Variants in PPARGC1A observed in about 807,000 individuals in gnomAD.
PPARGC1A encodes PPARG coactivator 1 alpha, also known as peroxisome proliferator-activated receptor gamma coactivator 1-alpha.
Under a neutral mutation model 88.7 loss-of-function variants are expected in PPARGC1A, and 25 were observed. The observed-to-expected ratio is 0.28, with a 90% confidence interval of 0.21 to 0.39. The LOEUF is 0.39. PPARGC1A is among the 10% of genes least tolerant of loss of function. The pLI is 1.00. For missense variants in PPARGC1A, 880 were observed against 968.7 expected, an observed-to-expected ratio of 0.91 and a Z score of 1.22; for synonymous variants, 363 against 355.6, an observed-to-expected ratio of 1.02 and a Z score of -0.24.
the PPARGC1A span, among the ~76,000 whole-genome samples, chr4:24,458,781 G>T: frequency 6.6e-6 from 1 of 152,062 alleles, no homozygotes. Context: ...CATACAATGG[G>T]ATACTACAGG....
chr4:24,165,371 C>T, the PPARGC1A span, among the ~76,000 whole-genome samples: 7 of 152,144 alleles, frequency 4.6e-5, no homozygotes, highest in South Asian at 4.1e-4. Flanking sequence ...AATTTACAAA[C>T]GTTTTTCAAA....
At chr4:24,175,817 A>G in the PPARGC1A span, among the ~76,000 whole-genome samples, 3 of 152,144 alleles carry the variant, frequency 2.0e-5, no homozygotes, top group East Asian at 5.8e-4. Context: ...TCTTTACTCA[A>G]CAGAAAAAAA....
the PPARGC1A span, among the ~76,000 whole-genome samples, chr4:24,137,440 A>C: frequency 3.8e-3 from 575 of 152,336 alleles, 5 homozygotes; most frequent in African/African-American, 0.013. Context: ...CTCCAGTGCA[A>C]TCAGATACGA....
At chr4:23,880,338 C>T (rs1374339162) in intron 2 of PPARGC1A, among the ~76,000 whole-genome samples, 2 of 152,134 alleles carry the variant, frequency 1.3e-5, no homozygotes, top group African/African-American at 4.8e-5. Context: ...TGTATATAAT[C>T]TTCACATTAC....
At chr4:24,169,835 T>A in the PPARGC1A span, among the ~76,000 whole-genome samples, 1 of 151,908 alleles carries the variant, frequency 6.6e-6, no homozygotes, top group Non-Finnish European at 1.5e-5. Context: ...ACACTCTGTC[T>A]CAAAAAACAA....
the PPARGC1A span, among the ~76,000 whole-genome samples, chr4:24,075,249 A>C: frequency 6.6e-6 from 1 of 152,182 alleles, no homozygotes; most frequent in African/African-American, 2.4e-5. Flanking sequence ...TGGTAGATCA[A>C]GCAATCTGCC....
chr4:24,176,532 T>C, the PPARGC1A span, among the ~76,000 whole-genome samples: 1 of 152,034 alleles, frequency 6.6e-6, no homozygotes, highest in Non-Finnish European at 1.5e-5. Context: ...GAAGGGATAT[T>C]AAGGAACTAG....
At chr4:24,313,724 T>C in the PPARGC1A span, among the ~76,000 whole-genome samples, 2 of 152,200 alleles carry the variant, frequency 1.3e-5, no homozygotes, top group Non-Finnish European at 2.9e-5. Flanking sequence ...ACCAGCTTTA[T>C]GGAACATTTA....
chr4:24,174,993 A>T, the PPARGC1A span, among the ~76,000 whole-genome samples: 1 of 152,170 alleles, frequency 6.6e-6, no homozygotes, highest in Non-Finnish European at 1.5e-5. Context: ...AATACTAAAT[A>T]CAAATGTCTC....
At chr4:24,374,459 G>A in the PPARGC1A span, among the ~76,000 whole-genome samples, 39 of 152,112 alleles carry the variant, frequency 2.6e-4, no homozygotes, top group East Asian at 5.2e-3. Flanking sequence ...GGAGTTCTAG[G>A]CTTAATACCT....
At chr4:23,890,602 C>CTTT (rs56855205), upstream of PPARGC1A, among the ~76,000 whole-genome samples, 119 of 103,222 alleles carry the variant, frequency 1.2e-3, no homozygotes, top group African/African-American at 1.3e-3. Context: ...GCAAACGGGG[C>CTTT]TTTTTTTTTT....
the PPARGC1A span, among the ~76,000 whole-genome samples, chr4:24,138,723 G>C: frequency 6.6e-6 from 1 of 152,158 alleles, no homozygotes; most frequent in African/African-American, 2.4e-5. Flanking sequence ...AAAGGCCTTT[G>C]GTGATTAAAA....
At chr4:24,316,684 C>G in the PPARGC1A span, among the ~76,000 whole-genome samples, 1 of 152,238 alleles carries the variant, frequency 6.6e-6, no homozygotes, top group South Asian at 2.1e-4. Flanking sequence ...CTTCTCTCAG[C>G]TTCCACGTCA....
chr4:24,121,934 C>G, the PPARGC1A span, among the ~76,000 whole-genome samples: 1 of 152,034 alleles, frequency 6.6e-6, no homozygotes, highest in African/African-American at 2.4e-5. Context: ...TCCTGAGAAC[C>G]TCATTTTAGC....
the PPARGC1A span, among the ~76,000 whole-genome samples, chr4:23,992,770 C>T: frequency 6.6e-6 from 1 of 152,130 alleles, no homozygotes; most frequent in Non-Finnish European, 1.5e-5. Flanking sequence ...TCATTTTAAA[C>T]TCTTCTTCCC....
chr4:24,064,474 G>T, the PPARGC1A span, among the ~76,000 whole-genome samples: 1 of 152,242 alleles, frequency 6.6e-6, no homozygotes, highest in African/African-American at 2.4e-5. Flanking sequence ...AGGGTCACGG[G>T]GAAGAGAAAG....
At chr4:24,375,337 C>T in the PPARGC1A span, among the ~76,000 whole-genome samples, 2 of 152,222 alleles carry the variant, frequency 1.3e-5, no homozygotes, top group Admixed American at 6.6e-5. Flanking sequence ...AGTTTATCGG[C>T]CACCATTTGG....
the PPARGC1A span, among the ~76,000 whole-genome samples, chr4:24,259,632 T>C: frequency 6.6e-6 from 1 of 152,224 alleles, no homozygotes; most frequent in African/African-American, 2.4e-5. Flanking sequence ...CATCCTAGCC[T>C]ACAGGTTTGT....
the PPARGC1A span, among the ~76,000 whole-genome samples, chr4:24,264,330 C>T: frequency 6.6e-6 from 1 of 152,156 alleles, no homozygotes; most frequent in African/African-American, 2.4e-5. Flanking sequence ...GTGAAGGGTG[C>T]ACAGAGTCTC....
Sources: gnomAD v4.1 joint callset for allele counts (sites outside exome capture counted in the v4.1 genomes callset) on GRCh38, gnomAD v4.1.1 for gene constraint, MANE v1.5 for transcripts, NCBI Gene and HGNC (gene_info 2026-07-23, HGNC 2026-07-21) for gene names.